Variants in NPAS3 observed in about 807,000 individuals in gnomAD.
The protein encoded by NPAS3 is neuronal PAS domain protein 3, also known as neuronal PAS domain-containing protein 3.
In NPAS3, 14 loss-of-function variants were observed where a neutral mutation model predicts 73.1. The ratio of observed to expected loss-of-function variants is 0.19; its 90% CI spans 0.13 to 0.30. The LOEUF (loss-of-function observed/expected upper bound fraction) is 0.30. NPAS3 is among the 10% of genes least tolerant of loss of function. The pLI is 1.00. For missense variants in NPAS3, 1,096 were observed against 1,250.0 expected (o/e 0.88, Z 1.86); for synonymous variants, 620 against 541.5 (o/e 1.14, Z -2.01).
intron 5 of NPAS3, among the ~76,000 whole-genome samples, chr14:33,655,086 G>A (rs1364162653): frequency 2.6e-5 from 4 of 152,176 alleles, no homozygotes; most frequent in Admixed American, 2.6e-4. Context: ...GTTCAAAGAA[G>A]CAGAGTAGAT....
chr14:33,609,778 G>A (rs1353222874), intron 5 of NPAS3, among the ~76,000 whole-genome samples: 2 of 152,036 alleles, frequency 1.3e-5, no homozygotes, highest in Non-Finnish European at 2.9e-5. Context: ...GGGCACTGAT[G>A]CCTCATTACA....
At chr14:33,427,178 G>A (rs1566893222) in intron 4 of NPAS3, among the ~76,000 whole-genome samples, 1 of 151,902 alleles carries the variant, frequency 6.6e-6, no homozygotes, top group Non-Finnish European at 1.5e-5. Flanking sequence ...TTATTTTTAT[G>A]AACACTGTCT....
chr14:33,659,006 T>A (rs2059230813), intron 5 of NPAS3, among the ~76,000 whole-genome samples: 1 of 152,190 alleles, frequency 6.6e-6, no homozygotes, highest in African/African-American at 2.4e-5. Flanking sequence ...CAAACCCTTC[T>A]GAATCACCTC....
chr14:33,565,087 G>T (rs1218864963), intron 5 of NPAS3, among the ~76,000 whole-genome samples: 2 of 152,202 alleles, frequency 1.3e-5, no homozygotes, highest in Non-Finnish European at 2.9e-5. Flanking sequence ...TTGATTCAAG[G>T]CAGCTTGCTG....
intron 3 of NPAS3, among the ~76,000 whole-genome samples, chr14:33,349,920 C>A (rs894139895): frequency 6.6e-6 from 1 of 152,132 alleles, no homozygotes; most frequent in Non-Finnish European, 1.5e-5. Context: ...AGGAGAAGGG[C>A]GTCTCCCACT....
chr14:33,681,481 G>A (rs146403587), intron 6 of NPAS3, among the ~76,000 whole-genome samples: 1 of 152,268 alleles, frequency 6.6e-6, no homozygotes, highest in East Asian at 1.9e-4. Context: ...ATTAGCGCTG[G>A]CCAAGGTGTT....
intron 2 of NPAS3, among the ~76,000 whole-genome samples, chr14:33,142,849 C>G (rs1774977087): frequency 6.6e-6 from 1 of 152,288 alleles, no homozygotes; most frequent in Middle Eastern, 3.4e-3. Flanking sequence ...CGCCTGTAAT[C>G]CCAACACTTG....
chr14:33,367,960 A>C (rs1031748222), intron 4 of NPAS3, among the ~76,000 whole-genome samples: 4 of 152,032 alleles, frequency 2.6e-5, no homozygotes, highest in Non-Finnish European at 5.9e-5. Flanking sequence ...TCGATTCAAC[A>C]CTTCTGCCTT....
At chr14:33,680,505 T>A in intron 6 of NPAS3, 1 of 675,892 alleles carries the variant, frequency 1.5e-6, no homozygotes, top group Non-Finnish European at 2.7e-6. Flanking sequence ...GGGTTTTTTG[T>A]ATTTCTTTCT....
At chr14:33,225,206 A>G (rs1047838564) in intron 3 of NPAS3, among the ~76,000 whole-genome samples, 2 of 152,234 alleles carry the variant, frequency 1.3e-5, no homozygotes, top group African/African-American at 2.4e-5. Flanking sequence ...GTCTGTTTAC[A>G]TAGTTTGCTT....
chr14:33,139,794 T>C (rs1452119551), intron 2 of NPAS3, among the ~76,000 whole-genome samples: 1 of 152,228 alleles, frequency 6.6e-6, no homozygotes, highest in Non-Finnish European at 1.5e-5. Flanking sequence ...GTGGCTACTG[T>C]AATAAACAGT....
intron 1 of NPAS3, among the ~76,000 whole-genome samples, chr14:32,939,923 C>G (rs1244846746): frequency 6.6e-6 from 1 of 152,040 alleles, no homozygotes; most frequent in African/African-American, 2.4e-5. Context: ...CGTCTCCGCG[C>G]GAGCAGCTAG....
intron 3 of NPAS3, among the ~76,000 whole-genome samples, chr14:33,241,816 T>C (rs2048222734): frequency 6.6e-6 from 1 of 152,182 alleles, no homozygotes; most frequent in Middle Eastern, 3.4e-3. Context: ...TAAACCATGT[T>C]GTCTTGGAGC....
chr14:33,165,260 T>C (rs892240145), intron 2 of NPAS3, among the ~76,000 whole-genome samples: 8 of 151,916 alleles, frequency 5.3e-5, no homozygotes, highest in African/African-American at 1.9e-4. Context: ...GAAGCTTTAA[T>C]TGCAGAAGAG....
At chr14:33,732,638 C>A (rs2061428872) in intron 6 of NPAS3, among the ~76,000 whole-genome samples, 1 of 152,168 alleles carries the variant, frequency 6.6e-6, no homozygotes, top group Admixed American at 6.5e-5. Flanking sequence ...TTCTCTTGGA[C>A]TCTCCATACC....
chr14:33,430,832 C>T (rs1283598659), intron 4 of NPAS3, among the ~76,000 whole-genome samples: 1 of 152,180 alleles, frequency 6.6e-6, no homozygotes, highest in Non-Finnish European at 1.5e-5. Flanking sequence ...CAAAACATCA[C>T]AGCAGGGGCT....
At chr14:33,784,813 C>T (rs1381529200) in intron 9 of NPAS3, among the ~76,000 whole-genome samples, 16 of 129,298 alleles carry the variant, frequency 1.2e-4, no homozygotes, top group African/African-American at 3.3e-4. Context: ...TACAATGGCA[C>T]GATCTCGGCT....
At chr14:33,750,286 T>C (rs1268380689) in intron 7 of NPAS3, among the ~76,000 whole-genome samples, 1 of 151,866 alleles carries the variant, frequency 6.6e-6, no homozygotes, top group East Asian at 1.9e-4. Flanking sequence ...TTTGACATCA[T>C]AGAGGTAGAA....
intron 4 of NPAS3, among the ~76,000 whole-genome samples, chr14:33,494,413 C>T (rs868177472): frequency 4.6e-5 from 7 of 152,240 alleles, no homozygotes; most frequent in Middle Eastern, 6.8e-3. Context: ...ACGCCTTCCA[C>T]AAATGATCCC....
Sources: allele counts gnomAD v4.1 joint callset (sites outside exome capture counted in the v4.1 genomes callset), GRCh38; gene constraint gnomAD v4.1.1; transcripts MANE v1.5; gene names NCBI Gene and HGNC (gene_info 2026-07-23, HGNC 2026-07-21).